Variants in TTC39C observed in about 807,000 individuals in gnomAD.
TTC39C encodes tetratricopeptide repeat domain 39C, also known as tetratricopeptide repeat protein 39C.
TTC39C carries 33 observed loss-of-function variants against 76.3 expected under a neutral mutation model. The ratio of observed to expected loss-of-function variants is 0.43; its 90% CI spans 0.33 to 0.58. TTC39C has a LOEUF of 0.58. Among genes scored for constraint, TTC39C ranks in the 20% least tolerant of loss-of-function variants. TTC39C has a pLI of 0.04. For synonymous variants in TTC39C, 254 were observed against 260.6 expected, an observed-to-expected ratio of 0.97 and a Z score of 0.24; for missense variants, 595 against 701.4, an observed-to-expected ratio of 0.85 and a Z score of 1.71.
At chr18:24,073,782 A>T (rs754885474) in intron 4 of TTC39C, among the ~76,000 whole-genome samples, 1 of 152,286 alleles carries the variant, frequency 6.6e-6, no homozygotes, top group Non-Finnish European at 1.5e-5. Context: ...GTCCTCCCAA[A>T]GTGTGGGGAT....
At chr18:24,004,710 A>T (rs1443104609) in intron 1 of TTC39C, among the ~76,000 whole-genome samples, 1 of 152,208 alleles carries the variant, frequency 6.6e-6, no homozygotes, top group Non-Finnish European at 1.5e-5. Context: ...CTAGGCAAGG[A>T]TGTGAGCATG....
rs539666299 is a variant in TTC39C at position 24,007,250 on chromosome 18, A to G, written c.-17+14212A>G. ...GCAAAACATGTTGGACACACAGAAC[A>G]TAGAGGTGCATTTTAAAACTCTTCA... On this transcript the variant is annotated intron_variant, in intron 1 of 13. Transcript: ENST00000304621. Among the ~76,000 whole-genome samples the G allele has an allele frequency of 4.6e-5, 7 of 152,378 alleles. No individual in the cohort carries two copies. The South Asian group carries it at 1.5e-3, about 32-fold the overall frequency.
chr18:24,064,092 C>T (rs1334318469), intron 1 of TTC39C, 48 bp from the exon 2 acceptor site: 3 of 1,601,244 alleles, frequency 1.9e-6, no homozygotes, highest in East Asian at 2.2e-5. Context: ...TAAAATTTTA[C>T]AGTGAAAATA....
chr18:24,004,467 A>G (rs2083336694), intron 1 of TTC39C, among the ~76,000 whole-genome samples: 1 of 152,232 alleles, frequency 6.6e-6, no homozygotes. Flanking sequence ...ATTTAAAAAT[A>G]AATGTCAAGA....
chr18:24,080,904 A>G lies in TTC39C; in HGVS notation c.780A>G (p.Ala260=), dbSNP rs553102352. 4.3e-6 allele frequency: 7 copies of G among 1,613,922 alleles called. No individual in the cohort carries two copies. The African/African-American group carries it at 9.3e-5, about 22-fold the overall frequency. ...RLQGLSSLMY[A]SESKDMKAPL... is the part of the protein sequence containing the mutation. ...AGGGGCTTTCTTCACTGATGTATGC[A>G]AGCGAAAGTAAGGACATGAAGGCCC... Residue 260 remains alanine, a synonymous_variant, in exon 5 of 14, where the codon GCA becomes GCG. Coordinates refer to ENST00000317571, the MANE Select transcript of TTC39C (RefSeq NM_001135993.2).
intron 7 of TTC39C, among the ~76,000 whole-genome samples, chr18:24,115,761 C>T (rs1011275971): frequency 3.3e-5 from 5 of 152,190 alleles, no homozygotes; most frequent in Non-Finnish European, 7.4e-5. Flanking sequence ...AACAATATTA[C>T]GTTTTAAATG....
intron 1 of TTC39C, among the ~76,000 whole-genome samples, chr18:24,020,655 G>C (rs35425220): frequency 0.23 from 35,469 of 152,030 alleles, 4,759 homozygotes; most frequent in East Asian, 0.57. Context: ...CTAACATCAT[G>C]TAAGTGCTAT....
At chr18:23,995,451 C>T (rs1210992236) in intron 1 of TTC39C, among the ~76,000 whole-genome samples, 17 of 152,000 alleles carry the variant, frequency 1.1e-4, no homozygotes, top group Non-Finnish European at 2.5e-4. Context: ...GCTTGGGCGA[C>T]AGAGTGAGAC....
intron 2 of TTC39C, among the ~76,000 whole-genome samples, chr18:24,065,279 G>A (rs2084152434): frequency 6.6e-6 from 1 of 152,326 alleles, no homozygotes; most frequent in Non-Finnish European, 1.5e-5. Context: ...AGGAAATGAG[G>A]AGTTAGAGAC....
At chr18:24,087,071 A>G (rs1367523942) in intron 6 of TTC39C, among the ~76,000 whole-genome samples, 1 of 152,194 alleles carries the variant, frequency 6.6e-6, no homozygotes, top group African/African-American at 2.4e-5. Flanking sequence ...TCCACAATGC[A>G]AACAATGTTT....
Position 24,114,718 on chromosome 18 carries a change from A to T in TTC39C, c.1078+71A>T, listed in dbSNP as rs1240963389. ...AATGCAGTATTTTAGCTTTCATGCC[A>T]TTCAGTGTGTGTCTACAAAATGCTT... On this transcript the variant is annotated intron_variant, in intron 7 of 13. Coordinates refer to ENST00000317571, the MANE Select transcript of TTC39C (RefSeq NM_001135993.2). 5.8e-6 allele frequency: 7 copies of T among 1,211,672 alleles called. No individual in the cohort carries two copies. The African/African-American group carries it at 9.0e-5, about 15-fold the overall frequency. The allele number at this position is 1,211,672 out of a possible 1,614,324, so 75.1% of individuals were successfully genotyped here. A position where few individuals can be genotyped will look rare whatever the true frequency, so the allele number is the denominator to read the frequency against.
At chr18:24,090,069 T>A (rs1003308883) in intron 6 of TTC39C, among the ~76,000 whole-genome samples, 3 of 152,208 alleles carry the variant, frequency 2.0e-5, no homozygotes, top group Non-Finnish European at 2.9e-5. Context: ...CATAATTTTT[T>A]AAGTAAATAA....
At chr18:24,056,531 G>A (rs952388092) in intron 1 of TTC39C, among the ~76,000 whole-genome samples, 1 of 151,806 alleles carries the variant, frequency 6.6e-6, no homozygotes, top group Non-Finnish European at 1.5e-5. Context: ...AGTGAGAAAT[G>A]TTCCTTTGAG....
At chr18:24,096,785 T>C (rs2084595616) in intron 6 of TTC39C, among the ~76,000 whole-genome samples, 1 of 152,206 alleles carries the variant, frequency 6.6e-6, no homozygotes, top group African/African-American at 2.4e-5. Context: ...AAAAACTTCA[T>C]TGACAAATGG....
intron 6 of TTC39C, among the ~76,000 whole-genome samples, chr18:24,097,290 C>T (rs1469569310): frequency 6.6e-6 from 1 of 152,216 alleles, no homozygotes; most frequent in African/African-American, 2.4e-5. Flanking sequence ...CTCTTGCTGT[C>T]TTTGCTGTGA....
intron 1 of TTC39C, among the ~76,000 whole-genome samples, chr18:24,052,554 A>G (rs7234015): frequency 0.028 from 4,228 of 152,120 alleles, 225 homozygotes; most frequent in African/African-American, 0.097. Flanking sequence ...AAAAAAAATT[A>G]TTGCTTTTTT....
At position 24,064,147 on chromosome 18, in the gene TTC39C, A is replaced by T. The variant is rs776502063; in HGVS notation, c.175A>T (p.Ser59Cys). 1 of 1,613,766 alleles carries T rather than the reference A, an allele frequency of 6.2e-7. No individual in the cohort carries two copies. Among genetic ancestry groups the T allele is most frequent in the South Asian group, 1.1e-5 (1 of 91,046 alleles). Residue 59 changes from serine to cysteine, a missense_variant, in exon 2 of 14, where the codon AGC (serine) becomes TGC (cysteine). Coordinates refer to ENST00000317571, the MANE Select transcript of TTC39C (RefSeq NM_001135993.2). ...TGTGTGTTTTTTTAACAGAAATCATAGCCCACTAATGAGTTTTGGAGCCAG... is the reference window on the plus strand; with the variant it reads ...TGTGTGTTTTTTTAACAGAAATCATTGCCCACTAATGAGTTTTGGAGCCAG... ...DQLFKQYRNH[S>C]PLMSFGASFV...
Position 24,083,276 on chromosome 18 carries a change from G to A in TTC39C, c.984+195G>A, listed in dbSNP as rs555629170. Among the ~76,000 whole-genome samples the A allele has an allele frequency of 3.9e-5, 6 of 152,242 alleles. No individual in the cohort carries two copies. The South Asian group carries it at 8.3e-4, about 21-fold the overall frequency. The stretch of plus-strand genomic sequence containing the variant: ...GATGTTAGTCAGTTACCTTCTGTTC[G>A]GAAGATGTGGGCGAAGTAGGGGTAA... On this transcript the variant is annotated intron_variant, in intron 6 of 13. Coordinates refer to ENST00000317571, the MANE Select transcript of TTC39C (RefSeq NM_001135993.2).
At chr18:24,110,551 A>G (rs1440421583) in intron 6 of TTC39C, among the ~76,000 whole-genome samples, 3 of 152,248 alleles carry the variant, frequency 2.0e-5, no homozygotes, top group East Asian at 1.9e-4. Context: ...CACAAAATCA[A>G]CTTGCCAAAA....
Sources: allele counts gnomAD v4.1 joint callset (sites outside exome capture counted in the v4.1 genomes callset), GRCh38; gene constraint gnomAD v4.1.1; transcripts MANE v1.5; gene names NCBI Gene and HGNC (gene_info 2026-07-23, HGNC 2026-07-21).